PAX5: variants seen among roughly 807,000 people sequenced by gnomAD.
The protein encoded by PAX5 is paired box 5, also known as paired box protein Pax-5.
In PAX5, 9 loss-of-function variants were observed where a neutral mutation model predicts 43.7. The observed-to-expected ratio is 0.21, with a 90% CI of 0.12 to 0.36. The LOEUF (loss-of-function observed/expected upper bound fraction) is 0.36, where lower values mean the gene tolerates loss of function less well. Ranked by LOEUF, PAX5 falls within the 10% of genes least tolerant of loss-of-function variation. The probability of loss-of-function intolerance (pLI) is 1.00; values close to 1 mark genes in which losing one functional copy is unlikely to be tolerated. For synonymous variants in PAX5, 228 were observed against 214.3 expected, an observed-to-expected ratio of 1.06 and a Z score of -0.56; for missense variants, 383 against 532.7, an observed-to-expected ratio of 0.72 and a Z score of 2.77.
intron 1 of PAX5, among the ~76,000 whole-genome samples, chr9:37,032,306 C>T (rs1285212639): frequency 6.6e-6 from 1 of 152,158 alleles, no homozygotes; most frequent in South Asian, 2.1e-4. Flanking sequence ...AGAGCCAGCC[C>T]GAGGACTGCG....
rs1443488063 is a variant in PAX5 at position 36,994,569 on chromosome 9, C to CA, written c.604+8078dup. 3.9e-5 allele frequency among the ~76,000 whole-genome samples: 6 copies of CA among 152,336 alleles called. No individual in the cohort carries two copies. The East Asian group carries it at 1.2e-3, about 29-fold the overall frequency. On this transcript the variant is annotated intron_variant, in intron 5 of 9. Transcript: ENST00000358127. ...TCCCATTAGCTTCAGCTGCCACAGG[C>CA]AGAGACTGAGCCAAACTGGTTTCTT...
chr9:36,867,178 C>G (rs1007032012), intron 8 of PAX5, among the ~76,000 whole-genome samples: 5 of 152,058 alleles, frequency 3.3e-5, no homozygotes, highest in African/African-American at 1.2e-4. Context: ...CCAGGAACCC[C>G]ACACCCGCAG....
rs548320624 is a variant in PAX5, at chr9:36,834,107, G to A, written c.*6453C>T. The A allele has an allele frequency of 3.4e-5, 8 of 233,286 alleles. No homozygotes were observed. Among genetic ancestry groups the A allele is most frequent in the African/African-American group, 1.1e-4 (5 of 45,466 alleles). The allele number at this position is 233,286 out of a possible 1,614,324, so 14.5% of individuals were successfully genotyped here. A position where few individuals can be genotyped will look rare whatever the true frequency, so the allele number is the denominator to read the frequency against. On this transcript the variant is annotated 3_prime_UTR_variant, in exon 10 of 10. Coordinates refer to ENST00000358127, the MANE Select transcript of PAX5 (RefSeq NM_016734.3). ...CTAGAGGGTGAAAAACCAGGGCAGC[G>A]TCTTCCAGCAGGAGTCAGGGCAAAC...
At position 36,840,656 on chromosome 9, in the gene PAX5, G is replaced by A. The variant is rs753126884; in HGVS notation, c.1100-20C>T. On this transcript the variant is annotated intron_variant, in intron 9 of 9. Transcript: ENST00000358127. ...GGGAGCCTGGAAGAGACGGGAGAGA[G>A]CACCGAGGTCAGATCCGGGGTCCCC... 9 of 1,510,670 alleles carry A rather than the reference G, an allele frequency of 6.0e-6. No homozygotes were observed. The South Asian group carries it at 1.1e-4, about 18-fold the overall frequency. 93.6% of individuals were successfully genotyped at this position (1,510,670 alleles called of 1,614,324 possible). A position where few individuals can be genotyped will look rare whatever the true frequency, so the allele number is the denominator to read the frequency against.
chr9:36,993,245 G>A (rs1837087330), intron 5 of PAX5, among the ~76,000 whole-genome samples: 1 of 152,150 alleles, frequency 6.6e-6, no homozygotes, highest in Non-Finnish European at 1.5e-5. Flanking sequence ...GGAAGATTCG[G>A]TTCTTTCTTA....
intron 7 of PAX5, among the ~76,000 whole-genome samples, chr9:36,896,283 G>A (rs1414046095): frequency 3.3e-5 from 5 of 152,016 alleles, no homozygotes; most frequent in African/African-American, 9.7e-5. Context: ...AGGGGGCAAC[G>A]GGATAGTCGA....
chr9:36,876,299 A>G (rs1167319830), intron 8 of PAX5, among the ~76,000 whole-genome samples: 2 of 152,234 alleles, frequency 1.3e-5, no homozygotes, highest in East Asian at 1.9e-4. Context: ...GAGTGCCTCA[A>G]TTGAAAGGCA....
chr9:37,018,533 T>C (rs1029635674), intron 2 of PAX5, among the ~76,000 whole-genome samples: 9 of 145,028 alleles, frequency 6.2e-5, no homozygotes, highest in African/African-American at 2.3e-4. Flanking sequence ...CCCTACAATC[T>C]GTCACCTCTT....
At position 36,837,856 on chromosome 9, in the gene PAX5, C is replaced by T. The variant is rs770759327; in HGVS notation, c.*2704G>A. 7 of 233,328 alleles carry T rather than the reference C, an allele frequency of 3.0e-5. No homozygotes were observed. Among genetic ancestry groups the T allele is most frequent in the Non-Finnish European group, 5.1e-5 (6 of 118,174 alleles). The allele number at this position is 233,328 out of a possible 1,614,324, so 14.5% of individuals were successfully genotyped here. On this transcript the variant is annotated 3_prime_UTR_variant, in exon 10 of 10. Coordinates refer to ENST00000358127, the MANE Select transcript of PAX5 (RefSeq NM_016734.3). ...CCGCTGTGAGCCAGGTGGGCTTTGC[C>T]GAGGAAGGATGCTGCATGCCTCAGG...
chr9:36,946,803 C>T (rs1013912690), intron 6 of PAX5, among the ~76,000 whole-genome samples: 2 of 152,198 alleles, frequency 1.3e-5, no homozygotes, highest in East Asian at 3.8e-4. Flanking sequence ...ACTTCTTTAC[C>T]AACCACCAGC....
At chr9:37,016,133 C>A (rs1232069273) in intron 2 of PAX5, among the ~76,000 whole-genome samples, 1 of 152,170 alleles carries the variant, frequency 6.6e-6, no homozygotes, top group Non-Finnish European at 1.5e-5. Flanking sequence ...TCACACAAGA[C>A]CAAATGGGCA....
rs145395468 is a variant in PAX5, at chr9:36,844,029, C to T, written c.1099+2814G>A. Among the ~76,000 whole-genome samples the T allele has an allele frequency of 1.5e-3, 226 of 152,304 alleles. 1 individual carries two copies. The highest frequency in any genetic ancestry group is 5.3e-3 in the African/African-American group (221 of 41,558). ...TTGTCCTCCTGGAGATTCTAGGAGT[C>T]CCAAATATCCCTTAATAAATTCATT... is the stretch of plus-strand genomic sequence containing the variant. On this transcript the variant is annotated intron_variant, in intron 9 of 9. Transcript: ENST00000358127.
chr9:36,946,128 G>A (rs1358473531), intron 6 of PAX5, among the ~76,000 whole-genome samples: 1 of 150,866 alleles, frequency 6.6e-6, no homozygotes, highest in Non-Finnish European at 1.5e-5. Flanking sequence ...TCCCTGAGGA[G>A]TGCTCTGTCA....
At chr9:36,863,831 C>G (rs775377270) in intron 8 of PAX5, among the ~76,000 whole-genome samples, 10 of 88,842 alleles carry the variant, frequency 1.1e-4, no homozygotes, top group African/African-American at 1.5e-4. Flanking sequence ...ACAGTAGGGG[C>G]CGGGCGCAGT....
chr9:37,004,758 T>C (rs1838242802), intron 4 of PAX5, among the ~76,000 whole-genome samples: 1 of 152,214 alleles, frequency 6.6e-6, no homozygotes, highest in Admixed American at 6.5e-5. Context: ...CCACCATATA[T>C]AACCAAAGCT....
intron 6 of PAX5, among the ~76,000 whole-genome samples, chr9:36,956,634 T>C (rs565849806): frequency 1.3e-5 from 2 of 152,326 alleles, no homozygotes; most frequent in Admixed American, 6.5e-5. Context: ...TGGGGAGCTG[T>C]CCTTGTGCTT....
At chr9:36,902,325 A>G (rs537644617) in intron 7 of PAX5, among the ~76,000 whole-genome samples, 5 of 152,360 alleles carry the variant, frequency 3.3e-5, no homozygotes. Context: ...GTCATTCATC[A>G]TCATAAAGAC....
At chr9:37,003,085 C>T (rs1377551319) in intron 4 of PAX5, among the ~76,000 whole-genome samples, 2 of 148,312 alleles carry the variant, frequency 1.3e-5, no homozygotes, top group Non-Finnish European at 3.0e-5. Flanking sequence ...TCCAGCCTAT[C>T]CATGGATGCA....
At chr9:36,997,695 A>G (rs1303344215) in intron 5 of PAX5, among the ~76,000 whole-genome samples, 1 of 152,220 alleles carries the variant, frequency 6.6e-6, no homozygotes, top group African/African-American at 2.4e-5. Flanking sequence ...CAACCAAGAG[A>G]CAAAGCGACA....
Sources: allele counts gnomAD v4.1 joint callset (sites outside exome capture counted in the v4.1 genomes callset), GRCh38; gene constraint gnomAD v4.1.1; transcripts MANE v1.5; gene names NCBI Gene and HGNC (gene_info 2026-07-23, HGNC 2026-07-21).